CCDC171: variants seen among roughly 807,000 people sequenced by gnomAD.
CCDC171 encodes coiled-coil domain containing 171.
Under a neutral mutation model 168.2 loss-of-function variants are expected in CCDC171, and 177 were observed. The observed-to-expected ratio is 1.05, with a 90% CI of 0.93 to 1.19. CCDC171 has a LOEUF of 1.19. Ranked by LOEUF, CCDC171 falls within the 50% of genes most tolerant of loss-of-function variation. CCDC171 has a pLI of 0.00. For synonymous variants in CCDC171, 687 were observed against 540.8 expected, an observed-to-expected ratio of 1.27 and a Z score of -3.75; for missense variants, 1,991 against 1,539.0, an observed-to-expected ratio of 1.29 and a Z score of -4.91.
At chr9:15,988,969 G>T (rs1832092861) in intron 3 of CCDC171, among the ~76,000 whole-genome samples, 5 of 152,170 alleles carry the variant, frequency 3.3e-5, no homozygotes, top group East Asian at 1.9e-4. Flanking sequence ...GCTCAAGGAG[G>T]TCTGCCTGCC....
At chr9:15,566,669 TAAC>T (rs2039756170) in intron 2 of CCDC171, among the ~76,000 whole-genome samples, 1 of 152,260 alleles carries the variant, frequency 6.6e-6, no homozygotes. Context: ...CACAAGTTTT[TAAC>T]TTTGATGAAG....
At chr9:16,099,121 G>A in the CCDC171 span, among the ~76,000 whole-genome samples, 1 of 152,130 alleles carries the variant, frequency 6.6e-6, no homozygotes, top group Admixed American at 6.5e-5. Context: ...GTAAGACCCT[G>A]GGTTTGAAAA....
the CCDC171 span, among the ~76,000 whole-genome samples, chr9:16,092,213 C>G: frequency 6.6e-6 from 1 of 152,232 alleles, no homozygotes; most frequent in African/African-American, 2.4e-5. Context: ...AATGTCCTTT[C>G]AGGCTCACAT....
chr9:15,567,027 CTT>C (rs34470119), intron 2 of CCDC171, among the ~76,000 whole-genome samples: 89 of 132,234 alleles, frequency 6.7e-4, no homozygotes, highest in African/African-American at 1.8e-3. Context: ...TCTACATGTC[CTT>C]TTTTTTTTTT....
intron 21 of CCDC171, among the ~76,000 whole-genome samples, chr9:15,845,232 T>G (rs2060845507): frequency 6.6e-6 from 1 of 152,088 alleles, no homozygotes; most frequent in African/African-American, 2.4e-5. Flanking sequence ...GTTTTAAAAA[T>G]TTATTCTTTG....
At chr9:15,884,348 A>G (rs1012519191) in intron 24 of CCDC171, among the ~76,000 whole-genome samples, 1 of 152,166 alleles carries the variant, frequency 6.6e-6, no homozygotes, top group Admixed American at 6.6e-5. Context: ...TTTTCTTTAA[A>G]TATTTGCCAT....
intron 2 of CCDC171, among the ~76,000 whole-genome samples, chr9:15,569,946 G>T (rs115532928): frequency 0.025 from 3,822 of 151,478 alleles, 165 homozygotes; most frequent in African/African-American, 0.088. Flanking sequence ...CGTTTTCTTA[G>T]TTTGTGTTTT....
At chr9:15,825,800 T>G (rs1460454738) in intron 21 of CCDC171, among the ~76,000 whole-genome samples, 2 of 152,194 alleles carry the variant, frequency 1.3e-5, no homozygotes, top group African/African-American at 4.8e-5. Flanking sequence ...TCAAATGATT[T>G]ATTTCAAGTG....
chr9:16,052,869 TTTTCAAACGGAATGTGAGTC>T (rs1833773762), intron 1 of CCDC171, among the ~76,000 whole-genome samples: 1 of 151,504 alleles, frequency 6.6e-6, no homozygotes, highest in Non-Finnish European at 1.5e-5. Context: ...ACCCCTTTTC[TTTTCAAACGGAATGTGAGTC>T]TTTCCAGATT....
the CCDC171 span, among the ~76,000 whole-genome samples, chr9:16,071,059 G>T: frequency 2.6e-5 from 4 of 152,214 alleles, no homozygotes; most frequent in African/African-American, 4.8e-5. Flanking sequence ...TTGATGAGAT[G>T]AGAGGCTAAA....
intron 18 of CCDC171, among the ~76,000 whole-genome samples, chr9:15,772,572 C>G (rs2057070991): frequency 6.6e-6 from 1 of 152,096 alleles, no homozygotes; most frequent in Non-Finnish European, 1.5e-5. Context: ...AAAGGAGTTG[C>G]ATATAAAGAA....
At chr9:15,628,084 C>T (rs1043028199) in intron 7 of CCDC171, among the ~76,000 whole-genome samples, 10 of 152,126 alleles carry the variant, frequency 6.6e-5, no homozygotes, top group Non-Finnish European at 5.9e-5. Context: ...CTGTCTACAG[C>T]TCCCAGCGTG....
chr9:15,872,493 GT>G (rs571797268), intron 23 of CCDC171, among the ~76,000 whole-genome samples: 1 of 151,884 alleles, frequency 6.6e-6, no homozygotes, highest in African/African-American at 2.4e-5. Flanking sequence ...ATTGCTTATG[GT>G]TTTTTTCCCC....
chr9:16,034,138 G>A (rs959970555), intron 6 of CCDC171, among the ~76,000 whole-genome samples: 2 of 152,202 alleles, frequency 1.3e-5, no homozygotes, highest in African/African-American at 4.8e-5. Flanking sequence ...AATTACCTGG[G>A]GGAAGGAAGC....
the CCDC171 span, among the ~76,000 whole-genome samples, chr9:16,107,051 A>G: frequency 6.6e-6 from 1 of 152,218 alleles, no homozygotes; most frequent in Non-Finnish European, 1.5e-5. Context: ...AAAGTTGCCA[A>G]AAGAGTATAA....
intron 25 of CCDC171, among the ~76,000 whole-genome samples, chr9:15,943,428 G>T (rs1157737834): frequency 6.6e-6 from 1 of 151,938 alleles, no homozygotes; most frequent in African/African-American, 2.4e-5. Context: ...TGTTTAAAAA[G>T]ATCAGGTTAT....
At chr9:15,869,631 C>G (rs1486315190) in intron 23 of CCDC171, among the ~76,000 whole-genome samples, 3 of 151,204 alleles carry the variant, frequency 2.0e-5, no homozygotes, top group Non-Finnish European at 4.4e-5. Flanking sequence ...GCCTTTTCTA[C>G]TTGTTTAACC....
At chr9:15,809,653 G>C (rs554415768) in intron 21 of CCDC171, among the ~76,000 whole-genome samples, 1 of 152,160 alleles carries the variant, frequency 6.6e-6, no homozygotes, top group Non-Finnish European at 1.5e-5. Flanking sequence ...ATTCCTCCTG[G>C]TGGCTTCATG....
chr9:16,098,847 G>A, the CCDC171 span, among the ~76,000 whole-genome samples: 2 of 152,190 alleles, frequency 1.3e-5, no homozygotes, highest in Admixed American at 6.5e-5. Context: ...GGGAGTGGGG[G>A]AGCAATGATG....
Sources: gnomAD v4.1 joint callset for allele counts (sites outside exome capture counted in the v4.1 genomes callset) on GRCh38, gnomAD v4.1.1 for gene constraint, MANE v1.5 for transcripts, NCBI Gene and HGNC (gene_info 2026-07-23, HGNC 2026-07-21) for gene names.